TLE6: variants seen among roughly 807,000 people sequenced by gnomAD.
The protein encoded by TLE6 is TLE family member 6, subcortical maternal complex member, also known as transducin-like enhancer protein 6.
TLE6 carries 72 observed loss-of-function variants against 77.1 expected under a neutral mutation model. The ratio of observed to expected loss-of-function variants is 0.93; its 90% CI spans 0.77 to 1.14. TLE6 has a LOEUF of 1.14. Among genes scored for constraint, TLE6 ranks in the 50% most tolerant of loss-of-function variants. The pLI is 0.00. For synonymous variants in TLE6, 366 were observed against 287.3 expected (o/e 1.27, Z -2.77); for missense variants, 843 against 747.6 (o/e 1.13, Z -1.49).
At chr19:2,981,623 A>G (rs2088799681) in intron 4 of TLE6, 40 bp downstream of exon 4, 6 of 1,548,430 alleles carry the variant, frequency 3.9e-6, no homozygotes, top group Non-Finnish European at 5.2e-6. Context: ...GGAGGGCCCC[A>G]CTGGGACAAG....
At chr19:2,993,802 C>T (rs573712250) in intron 15 of TLE6, among the ~76,000 whole-genome samples, 20 of 152,012 alleles carry the variant, frequency 1.3e-4, no homozygotes, top group Admixed American at 8.5e-4. Context: ...GGTCCGCCTC[C>T]GCCCTTCCCC....
In TLE6 at chr19:2,989,060, G is replaced by C. The variant is rs994749504; in HGVS notation, c.741-1G>C. On this transcript the variant is annotated splice_acceptor_variant, in intron 11 of 16. Transcript: ENST00000246112. LOFTEE classifies it high-confidence loss of function. ...GTTACCCCAAGGCCTCCCCTCCCAA[G>C]ATCCTGGGACCCTGAGGACTTTGAA... is the stretch of plus-strand genomic sequence containing the variant. The C allele has an allele frequency of 2.5e-6, 4 of 1,611,488 alleles. No individual in the cohort carries two copies. Among genetic ancestry groups the C allele is most frequent in the Non-Finnish European group, 3.4e-6 (4 of 1,177,966 alleles).
At chr19:2,988,005 C>CGT (rs1568214348) in intron 10 of TLE6, 31 bp downstream of exon 10, 2 of 1,598,736 alleles carry the variant, frequency 1.3e-6, no homozygotes, top group East Asian at 2.3e-5. Flanking sequence ...GGTAGCCCAG[C>CGT]GTGAAGGCTG....
intron 5 of TLE6, chr19:2,984,019 G>C (rs534757653): frequency 6.6e-6 from 1 of 152,296 alleles, no homozygotes; most frequent in East Asian, 1.9e-4. Context: ...TGGCAGCCCA[G>C]CCTGGCCTGT....
Position 2,982,535 on chromosome 19 carries a change from CAAA to C in TLE6, c.222+366_222+368del, listed in dbSNP as rs1200316710. ...CCTGGGCGACAGCGAGACTCTGTCT[CAAA>C]AAAAAAAAAAAAAAAAAAAGGAGGT... On this transcript the variant is annotated intron_variant, in intron 5 of 16. Coordinates refer to ENST00000246112, the MANE Select transcript of TLE6 (RefSeq NM_001143986.2). Among the ~76,000 whole-genome samples the C allele has an allele frequency of 2.9e-4, 12 of 41,842 alleles. No homozygotes were observed. The South Asian group carries it at 3.6e-3, about 13-fold the overall frequency. 27.4% of individuals were successfully genotyped at this position (41,842 alleles called of 152,430 possible). A position where few individuals can be genotyped will look rare whatever the true frequency, so the allele number is the denominator to read the frequency against.
At chr19:2,993,229 G>GT (rs1363098563) in intron 14 of TLE6, among the ~76,000 whole-genome samples, 5 of 152,058 alleles carry the variant, frequency 3.3e-5, no homozygotes, top group African/African-American at 1.2e-4. Context: ...CACTCATGCT[G>GT]TATCAGGTGC....
chr19:2,984,979 G>C (rs1283057107), intron 5 of TLE6, among the ~76,000 whole-genome samples: 1 of 152,000 alleles, frequency 6.6e-6, no homozygotes, highest in African/African-American at 2.4e-5. Flanking sequence ...GACTGGGTGA[G>C]GTGGCTCACG....
chr19:2,992,188 CAG>C (rs1191998680), intron 14 of TLE6, among the ~76,000 whole-genome samples: 1 of 151,866 alleles, frequency 6.6e-6, no homozygotes, highest in Admixed American at 6.6e-5. Context: ...ATACAAAAAT[CAG>C]AGCTGGGCGC....
rs1278461998 is a variant in TLE6 at position 2,978,297 on chromosome 19, T to C, written c.51+13T>C. ...GAAAAGCACTTCGGTGAGGAGGGCA[T>C]GTGGTGGGATCAGCCCTCAAGGGAA... is the stretch of plus-strand genomic sequence containing the variant. On this transcript the variant is annotated intron_variant, in intron 2 of 16. Coordinates refer to ENST00000246112, the MANE Select transcript of TLE6 (RefSeq NM_001143986.2). 4 of 1,551,034 alleles carry C rather than the reference T, an allele frequency of 2.6e-6. No homozygotes were observed. The highest frequency in any genetic ancestry group is 1.4e-5 in the African/African-American group (1 of 72,996).
At chr19:2,978,122 G>T in intron 1 of TLE6, 76 bp from the exon 2 acceptor site, 1 of 1,106,452 alleles carries the variant, frequency 9.0e-7, no homozygotes, top group South Asian at 1.4e-5. Context: ...GTGCGGGTGG[G>T]GTAACGGGTG....
intron 1 of TLE6, among the ~76,000 whole-genome samples, 198 bp downstream of exon 1, chr19:2,977,808 A>G (rs1309684185): frequency 2.0e-5 from 3 of 152,064 alleles, no homozygotes; most frequent in Non-Finnish European, 4.4e-5. Context: ...GCTAACTCCT[A>G]GTCATCCTTC....
intron 2 of TLE6, among the ~76,000 whole-genome samples, chr19:2,979,507 A>G (rs1002696675): frequency 2.6e-5 from 4 of 151,860 alleles, no homozygotes; most frequent in Non-Finnish European, 4.4e-5. Flanking sequence ...TCGGCCTCCC[A>G]AAGTGCTGGG....
intron 14 of TLE6, 139 bp from the exon 15 acceptor site, chr19:2,993,293 A>T: frequency 1.3e-6 from 1 of 762,966 alleles, no homozygotes; most frequent in Non-Finnish European, 2.0e-6. Context: ...CACAGATACG[A>T]AGTTGCTTGT....
At chr19:2,988,281 C>T (rs557445230) in intron 11 of TLE6, among the ~76,000 whole-genome samples, 153 bp downstream of exon 11, 5 of 152,246 alleles carry the variant, frequency 3.3e-5, no homozygotes, top group African/African-American at 7.2e-5. Flanking sequence ...CTCCAACAGC[C>T]GCTGCAGAGG....
rs1364866625 is a variant in TLE6 at position 2,994,214 on chromosome 19, G to A, written c.1614+119G>A. ...AAAGTAGCCAGGTGTGGTGGCTCAC[G>A]GCTTTAATCCCAGCATTTTGGGAGG... On this transcript the variant is annotated intron_variant, in intron 16 of 16. Coordinates refer to ENST00000246112, the MANE Select transcript of TLE6 (RefSeq NM_001143986.2). 106 of 782,476 alleles carry A rather than the reference G, an allele frequency of 1.4e-4. 2 individuals carry two copies. In the South Asian group the frequency reaches 1.8e-3, roughly 13 times the overall value. The allele number at this position is 782,476 out of a possible 1,614,324, so 48.5% of individuals were successfully genotyped here. A position where few individuals can be genotyped will look rare whatever the true frequency, so the allele number is the denominator to read the frequency against.
rs2088813438 is a variant in TLE6, at chr19:2,982,269, G to A, written c.222+80G>A. On this transcript the variant is annotated intron_variant, in intron 5 of 16. Transcript: ENST00000246112. ...AGCACAGAGGGGGGCCGGGCACAGT[G>A]GCTCAAACCTGTAATCCCAGCACTT... 24 of 1,479,858 alleles carry A rather than the reference G, an allele frequency of 1.6e-5. No homozygotes were observed. The South Asian group carries it at 2.3e-4, about 14-fold the overall frequency. The allele number at this position is 1,479,858 out of a possible 1,614,324, so 91.7% of individuals were successfully genotyped here.
chr19:2,989,439 C>A (rs2088992442), intron 12 of TLE6, 96 bp from the exon 13 acceptor site: 1 of 1,568,646 alleles, frequency 6.4e-7, no homozygotes, highest in Non-Finnish European at 8.6e-7. Flanking sequence ...TAGCTAGGAA[C>A]CTAAAGGATG....
At chr19:2,990,650 TAAATAC>T (rs768410596) in intron 13 of TLE6, among the ~76,000 whole-genome samples, 48,971 of 146,628 alleles carry the variant, frequency 0.33, 10,314 homozygotes, top group African/African-American at 0.59. Context: ...AATATATATA[TAAATAC>T]ATAAATATAT....
At position 2,978,277 on chromosome 19, in the gene TLE6, G is replaced by A; in HGVS notation, c.44G>A (p.Ser15Asn). Residue 15 changes from serine to asparagine, a missense_variant, in exon 2 of 17, where the codon AGC (serine) becomes AAC (asparagine). By Grantham distance (46) the Ser-to-Asn change is conservative. Coordinates refer to ENST00000246112, the MANE Select transcript of TLE6 (RefSeq NM_001143986.2). ...CCCAGACCCAAGGGCCCCCCGAAAA[G>A]CACTTCGGTGAGGAGGGCATGTGGT... ...DQPRPKGPPKSTSPCPGISNS... is the reference protein window; with the variant it reads ...DQPRPKGPPKNTSPCPGISNS... 6.4e-7 allele frequency: 1 copy of A among 1,551,462 alleles called. No homozygotes were observed. The highest frequency in any genetic ancestry group is 2.4e-5 in the East Asian group (1 of 40,920).
Sources: gnomAD v4.1 joint callset for allele counts (sites outside exome capture counted in the v4.1 genomes callset) on GRCh38, gnomAD v4.1.1 for gene constraint, MANE v1.5 for transcripts, NCBI Gene and HGNC (gene_info 2026-07-23, HGNC 2026-07-21) for gene names.